The following DYNC1I1 variants were observed in gnomAD, a reference collection of about 807,000 sequenced individuals.
The protein encoded by DYNC1I1 is dynein cytoplasmic 1 intermediate chain 1, also known as cytoplasmic dynein 1 intermediate chain 1.
A neutral mutation model predicts 86.6 loss-of-function variants in DYNC1I1; 43 were observed. That is an observed-to-expected ratio of 0.50 (90% confidence interval 0.39 to 0.64). The LOEUF (loss-of-function observed/expected upper bound fraction) is 0.64. Ranked by LOEUF, DYNC1I1 falls within the 30% of genes least tolerant of loss-of-function variation. The pLI is 0.00. For synonymous variants in DYNC1I1, 262 were observed against 283.7 expected, an observed-to-expected ratio of 0.92 and a Z score of 0.77; for missense variants, 604 against 788.8, an observed-to-expected ratio of 0.77 and a Z score of 2.81.
At chr7:95,914,628 G>A (rs1327636502) in intron 6 of DYNC1I1, among the ~76,000 whole-genome samples, 1 of 152,206 alleles carries the variant, frequency 6.6e-6, no homozygotes, top group African/African-American at 2.4e-5. Context: ...GGTCAAATTA[G>A]TTAATGTTGG....
intron 5 of DYNC1I1, among the ~76,000 whole-genome samples, chr7:95,855,666 T>C (rs1423203269): frequency 6.6e-6 from 1 of 152,212 alleles, no homozygotes; most frequent in Non-Finnish European, 1.5e-5. Context: ...AGCCTATTGC[T>C]CTTAGGCTAC....
chr7:95,924,896 G>A (rs1197731789), intron 6 of DYNC1I1, among the ~76,000 whole-genome samples: 1 of 151,904 alleles, frequency 6.6e-6, no homozygotes, highest in Non-Finnish European at 1.5e-5. Flanking sequence ...TCTCTTAGGT[G>A]ACTATTAGGT....
chr7:95,941,241 G>T (rs1792207305), intron 6 of DYNC1I1, among the ~76,000 whole-genome samples: 1 of 151,974 alleles, frequency 6.6e-6, no homozygotes, highest in African/African-American at 2.4e-5. Context: ...GCTGCTTGGG[G>T]GTCAGGGGTC....
chr7:95,821,686 T>TTTGTTA (rs1291725680), intron 4 of DYNC1I1, among the ~76,000 whole-genome samples: 1 of 152,116 alleles, frequency 6.6e-6, no homozygotes, highest in Non-Finnish European at 1.5e-5. Context: ...ATTATCATTT[T>TTTGTTA]TTGTTATTAT....
chr7:95,846,627 C>CTGTGTGTGTGTGTGTGTGTG (rs1236489557), intron 5 of DYNC1I1, among the ~76,000 whole-genome samples: 2 of 136,482 alleles, frequency 1.5e-5, no homozygotes, highest in Non-Finnish European at 3.1e-5. Context: ...ATCTCTCTCT[C>CTGTGTGTGTGTGTGTGTGTG]TGTGTGTGTG....
intron 1 of DYNC1I1, among the ~76,000 whole-genome samples, chr7:95,792,523 T>C (rs564128701): frequency 2.6e-5 from 4 of 152,304 alleles, no homozygotes; most frequent in Admixed American, 6.5e-5. Flanking sequence ...TCTTAGATAA[T>C]ACTTGTTTTG....
intron 2 of DYNC1I1, among the ~76,000 whole-genome samples, chr7:95,806,625 A>G (rs1041713787): frequency 5.9e-5 from 9 of 152,150 alleles, no homozygotes; most frequent in Admixed American, 3.3e-4. Flanking sequence ...TGATAACTGA[A>G]CTGTGCTCTA....
chr7:96,071,093 A>G (rs986728364), intron 14 of DYNC1I1, among the ~76,000 whole-genome samples: 3 of 152,174 alleles, frequency 2.0e-5, no homozygotes, highest in Non-Finnish European at 4.4e-5. Context: ...TCTCTAATTG[A>G]TCAAATAAGA....
chr7:95,897,099 A>G (rs1015296837), intron 6 of DYNC1I1, among the ~76,000 whole-genome samples: 1 of 152,206 alleles, frequency 6.6e-6, no homozygotes, highest in Non-Finnish European at 1.5e-5. Context: ...AATTTTAGGA[A>G]AAAGGGAAGC....
At chr7:96,071,633 G>A (rs1790162698) in intron 14 of DYNC1I1, among the ~76,000 whole-genome samples, 1 of 152,004 alleles carries the variant, frequency 6.6e-6, no homozygotes, top group Non-Finnish European at 1.5e-5. Flanking sequence ...CATCTTTACT[G>A]TCTAAAGGAC....
intron 6 of DYNC1I1, among the ~76,000 whole-genome samples, chr7:95,939,370 T>C (rs576471543): frequency 6.2e-4 from 94 of 152,276 alleles, no homozygotes; most frequent in African/African-American, 2.1e-3. Flanking sequence ...TTCTGTCTCA[T>C]TGATCTGTCT....
At chr7:95,949,784 T>C (rs1049853667) in intron 6 of DYNC1I1, among the ~76,000 whole-genome samples, 4 of 152,194 alleles carry the variant, frequency 2.6e-5, no homozygotes, top group African/African-American at 7.2e-5. Flanking sequence ...GTTCATCTGA[T>C]TTAAATAATA....
intron 12 of DYNC1I1, among the ~76,000 whole-genome samples, chr7:96,033,177 C>G (rs1194215712): frequency 6.6e-6 from 1 of 152,196 alleles, no homozygotes; most frequent in African/African-American, 2.4e-5. Flanking sequence ...CCCAGCAAAA[C>G]AGAAATCCAA....
chr7:95,872,358 A>G (rs12530866), intron 6 of DYNC1I1, among the ~76,000 whole-genome samples: 1 of 152,066 alleles, frequency 6.6e-6, no homozygotes, highest in Admixed American at 6.5e-5. Flanking sequence ...GTAAGAAGGC[A>G]TGCTGATTAT....
chr7:95,874,670 TTCTC>T (rs1481972714), intron 6 of DYNC1I1, among the ~76,000 whole-genome samples: 3 of 151,572 alleles, frequency 2.0e-5, no homozygotes, highest in Non-Finnish European at 2.9e-5. Flanking sequence ...AGAGAGATCT[TTCTC>T]CCTGTGTGTG....
At chr7:96,007,509 T>A (rs1794169561) in intron 10 of DYNC1I1, among the ~76,000 whole-genome samples, 1 of 152,172 alleles carries the variant, frequency 6.6e-6, no homozygotes, top group Admixed American at 6.5e-5. Context: ...AAACCCTTGG[T>A]GAGTTGTATG....
chr7:95,947,499 G>T (rs1792434193), intron 6 of DYNC1I1, among the ~76,000 whole-genome samples: 1 of 152,082 alleles, frequency 6.6e-6, no homozygotes, highest in Admixed American at 6.5e-5. Flanking sequence ...GGTCTACCCA[G>T]AGCCCCCTGC....
chr7:95,961,610 T>C (rs1054504306), intron 6 of DYNC1I1, among the ~76,000 whole-genome samples: 5 of 152,080 alleles, frequency 3.3e-5, no homozygotes, highest in African/African-American at 4.8e-5. Context: ...CCCTGTATAG[T>C]AGGAGGTAAT....
chr7:96,097,927 C>G lies in DYNC1I1; in HGVS notation c.*334C>G, dbSNP rs1005642384. 6.7e-6 allele frequency: 7 copies of G among 1,046,008 alleles called. No homozygotes were observed. Among genetic ancestry groups the G allele is most frequent in the Non-Finnish European group, 8.1e-6 (7 of 865,718 alleles). 64.8% of individuals were successfully genotyped at this position (1,046,008 alleles called of 1,614,324 possible). A position where few individuals can be genotyped will look rare whatever the true frequency, so the allele number is the denominator to read the frequency against. ...AATTTGTGCTTACATGCACTCCTGG[C>G]ATAGTCCTATTAAATCCATATGAAG... On this transcript the variant is annotated 3_prime_UTR_variant, in exon 17 of 17. Coordinates refer to ENST00000447467, the MANE Select transcript of DYNC1I1 (RefSeq NM_001135556.2).
Sources: gnomAD v4.1 joint callset for allele counts (sites outside exome capture counted in the v4.1 genomes callset) on GRCh38, gnomAD v4.1.1 for gene constraint, MANE v1.5 for transcripts, NCBI Gene and HGNC (gene_info 2026-07-23, HGNC 2026-07-21) for gene names.